Variants in TATDN2 observed in about 807,000 individuals in gnomAD.
TATDN2 encodes TatD DNase domain containing 2.
In TATDN2, 44 loss-of-function variants were observed where a neutral mutation model predicts 60.3. That is an observed-to-expected ratio of 0.73 (90% CI 0.57 to 0.94). The LOEUF is 0.94. TATDN2 is among the 40% of genes least tolerant of loss of function. TATDN2 has a pLI of 0.00. For synonymous variants in TATDN2, 399 were observed against 355.8 expected (o/e 1.12, Z -1.37); for missense variants, 997 against 948.0 (o/e 1.05, Z -0.68).
At chr3:10,267,464 G>T in intron 3 of TATDN2, among the ~76,000 whole-genome samples, 1 of 152,078 alleles carries the variant, frequency 6.6e-6, no homozygotes, top group African/African-American at 2.4e-5. Context: ...TTTGTTTGAT[G>T]ATTGTTTTGG....
At chr3:10,276,582 C>A in intron 5 of TATDN2, 94 bp downstream of exon 5, 1 of 1,443,208 alleles carries the variant, frequency 6.9e-7, no homozygotes, top group South Asian at 1.4e-5. Context: ...TCATTATACA[C>A]TATCTATTCT....
chr3:10,249,643 T>G, intron 2 of TATDN2, 29 bp downstream of exon 2: 4 of 1,498,530 alleles, frequency 2.7e-6, no homozygotes, highest in Non-Finnish European at 2.7e-6. Flanking sequence ...TTGCAATCGG[T>G]GAAGCCCCTT....
intron 5 of TATDN2, among the ~76,000 whole-genome samples, chr3:10,276,929 A>G (rs1247246006): frequency 6.7e-6 from 1 of 149,858 alleles, no homozygotes; most frequent in South Asian, 2.1e-4. Context: ...AGGTTAAACC[A>G]CTTGAAATTT....
In TATDN2 at chr3:10,278,302, C is replaced by T. The variant is rs778424624; in HGVS notation, c.1985C>T (p.Pro662Leu). The change falls in exon 6 of 8, where the codon CCG becomes CTG. Residue 662 changes from proline to leucine, a missense_variant. Coordinates refer to ENST00000448281, the MANE Select transcript of TATDN2 (RefSeq NM_014760.4). This position sits in a 1 kb window ranked among gnomAD's most constrained non-coding sequence, Gnocchi z 4.7. ...AGGCATTGCTTCACCGGCAGCTACC[C>T]GGTCATTGAGCCCCTGCTGAAGTAC... ...IHRHCFTGSY[P>L]VIEPLLKYFP... is the part of the protein sequence containing the mutation. 1.8e-5 allele frequency: 29 copies of T among 1,613,886 alleles called. No homozygotes were observed. Among genetic ancestry groups the T allele is most frequent in the Admixed American group, 6.7e-5 (4 of 59,976 alleles).
chr3:10,266,931 CTTTTT>C (rs199956355), intron 3 of TATDN2, among the ~76,000 whole-genome samples: 1 of 126,896 alleles, frequency 7.9e-6, no homozygotes, highest in Non-Finnish European at 1.6e-5. Flanking sequence ...CTAAGGCAGT[CTTTTT>C]TTTTTTTTTT....
At chr3:10,252,746 A>G (rs1698250780) in intron 2 of TATDN2, among the ~76,000 whole-genome samples, 2 of 151,336 alleles carry the variant, frequency 1.3e-5, no homozygotes, top group East Asian at 3.9e-4. Flanking sequence ...GCTGGAGTGC[A>G]CTGGCATGAT....
At chr3:10,257,925 A>C (rs527244610) in intron 2 of TATDN2, among the ~76,000 whole-genome samples, 2 of 122,478 alleles carry the variant, frequency 1.6e-5, no homozygotes, top group African/African-American at 6.1e-5. Flanking sequence ...CAGTGGCACG[A>C]TCTTGGCTCA....
intron 4 of TATDN2, among the ~76,000 whole-genome samples, chr3:10,273,492 C>T (rs1439409080): frequency 6.6e-6 from 1 of 152,004 alleles, no homozygotes; most frequent in Non-Finnish European, 1.5e-5. Flanking sequence ...CGAGGTGGCT[C>T]ACGCCTGTAA....
chr3:10,273,290 A>G (rs1698591981), intron 4 of TATDN2, among the ~76,000 whole-genome samples: 1 of 152,180 alleles, frequency 6.6e-6, no homozygotes, highest in South Asian at 2.1e-4. Flanking sequence ...GGTGGGGGAT[A>G]TGGACACTGT....
At chr3:10,259,278 G>A (rs1405296946) in intron 2 of TATDN2, among the ~76,000 whole-genome samples, 2 of 152,250 alleles carry the variant, frequency 1.3e-5, no homozygotes, top group African/African-American at 4.8e-5. Flanking sequence ...TTACAGGCAT[G>A]AGCCACTGTA....
chr3:10,265,498 G>C lies in TATDN2; in HGVS notation c.949-4633G>C, dbSNP rs540847948. Among the ~76,000 whole-genome samples the C allele has an allele frequency of 2.2e-4, 33 of 151,288 alleles. 1 individual carries two copies. The South Asian group carries it at 6.9e-3, about 31-fold the overall frequency. On this transcript the variant is annotated intron_variant, in intron 3 of 7. Transcript: ENST00000448281. ...AGATCGAGACCATCCTGGCTAACAC[G>C]GTGAAACCCCGTCTCTACTAAAAAT... is the stretch of plus-strand genomic sequence containing the variant.
Position 10,248,937 on chromosome 3 carries a change from A to G in TATDN2, c.-137A>G. 2.5e-6 allele frequency: 1 copy of G among 404,082 alleles called. No individual in the cohort carries two copies. The highest frequency in any genetic ancestry group is 4.3e-6 in the Non-Finnish European group (1 of 230,382). 25.0% of individuals were successfully genotyped at this position (404,082 alleles called of 1,614,324 possible). ...GGCAAAGTGAAGGCTTCCTGATCTC[A>G]GAAGCACGTTGTGGGCTTGGAAACC... On this transcript the variant is annotated 5_prime_UTR_variant, in exon 1 of 8. Transcript: ENST00000448281.
intron 3 of TATDN2, among the ~76,000 whole-genome samples, chr3:10,267,452 T>C (rs572896681): frequency 8.6e-6 from 1 of 115,724 alleles, no homozygotes; most frequent in Non-Finnish European, 1.7e-5. Flanking sequence ...TAAATTTCCC[T>C]GTTTGTTTGA....
Position 10,278,454 on chromosome 3 carries a change from C to G in TATDN2, c.2137C>G (p.Pro713Ala). Residue 713 changes from proline to alanine, a missense_variant, in exon 6 of 8, where the codon CCT (proline) becomes GCT (alanine). Transcript: ENST00000448281. This position sits in a 1 kb window ranked among gnomAD's most constrained non-coding sequence, Gnocchi z 4.7. ...GGAAACGGATGCTCCCTATTTCCTC[C>G]CTCGCCAGGTAAGGGGGTCTTCAGG... ...IVETDAPYFL[P>A]RQVPKSLCQY... is the part of the protein sequence containing the mutation. 6.2e-7 allele frequency: 1 copy of G among 1,611,666 alleles called. No homozygotes were observed. The highest frequency in any genetic ancestry group is 8.5e-7 in the Non-Finnish European group (1 of 1,178,052).
chr3:10,272,837 C>T (rs1416739212), intron 4 of TATDN2, among the ~76,000 whole-genome samples: 2 of 151,548 alleles, frequency 1.3e-5, no homozygotes, highest in Non-Finnish European at 2.9e-5. Flanking sequence ...GAGTTGGAGA[C>T]CAGCCTGGCC....
chr3:10,276,297 C>A, intron 4 of TATDN2, 64 bp from the exon 5 acceptor site: 1 of 1,593,834 alleles, frequency 6.3e-7, no homozygotes, highest in South Asian at 1.1e-5. Flanking sequence ...ACTGGGCGTT[C>A]CAGAGGTGAT....
intron 2 of TATDN2, among the ~76,000 whole-genome samples, chr3:10,249,943 C>T (rs892412910): frequency 1.3e-4 from 20 of 152,126 alleles, no homozygotes; most frequent in Non-Finnish European, 2.8e-4. Context: ...TTCAGTGCTC[C>T]CCAGGTTATT....
chr3:10,278,405 G>C lies in TATDN2; in HGVS notation c.2088G>C (p.Gln696His). Residue 696 changes from glutamine (Q) to histidine (H), a missense_variant, in exon 6 of 8, where the codon CAG becomes CAC. By Grantham distance (24) the Gln-to-His change is conservative. Coordinates refer to ENST00000448281, the MANE Select transcript of TATDN2 (RefSeq NM_014760.4). The surrounding 1 kb of genome is among the most constrained non-coding windows in gnomAD (Gnocchi z 4.7). ...GGGAGGCCCGGGAAGCCTTGAGGCAGATCCCACTGGAGAGAATCATCGTGG... is the reference window on the plus strand; with the variant it reads ...GGGAGGCCCGGGAAGCCTTGAGGCACATCCCACTGGAGAGAATCATCGTGG... ...SAWEAREALRQIPLERIIVET... is the reference protein window; with the variant it reads ...SAWEAREALRHIPLERIIVET... 1 of 1,614,192 alleles carries C rather than the reference G, an allele frequency of 6.2e-7. No homozygotes were observed. The highest frequency in any genetic ancestry group is 8.5e-7 in the Non-Finnish European group (1 of 1,180,008).
intron 3 of TATDN2, among the ~76,000 whole-genome samples, chr3:10,268,451 C>T (rs774164746): frequency 6.6e-6 from 1 of 152,122 alleles, no homozygotes; most frequent in Non-Finnish European, 1.5e-5. Flanking sequence ...TTTGTAAGGC[C>T]TCTTGCTCAT....
Sources: gnomAD v4.1 joint callset for allele counts (sites outside exome capture counted in the v4.1 genomes callset) on GRCh38, gnomAD v4.1.1 for gene constraint, Gnocchi (gnomAD v3.1) non-coding constraint, MANE v1.5 for transcripts, NCBI Gene and HGNC (gene_info 2026-07-23, HGNC 2026-07-21) for gene names.